The following MACF1 variants were observed in gnomAD, a reference collection of about 807,000 sequenced individuals.
The protein encoded by MACF1 is microtubule actin crosslinking factor 1.
A neutral mutation model predicts 854.8 loss-of-function variants in MACF1; 193 were observed. The ratio of observed to expected loss-of-function variants is 0.23; its 90% CI spans 0.20 to 0.25. The LOEUF is 0.25. Ranked by LOEUF, MACF1 falls within the 10% of genes least tolerant of loss-of-function variation. MACF1 has a pLI of 1.00. For synonymous variants in MACF1, 3,185 were observed against 3,226.7 expected (o/e 0.99, Z 0.44); for missense variants, 7,722 against 8,929.1 (o/e 0.86, Z 5.45).
At chr1:39,417,981 A>G (rs1436128025) in intron 58 of MACF1, among the ~76,000 whole-genome samples, 1 of 152,014 alleles carries the variant, frequency 6.6e-6, no homozygotes, top group African/African-American at 2.4e-5. Flanking sequence ...TGAGTGGAGG[A>G]GGCAGATATT....
chr1:39,269,278 G>T (rs1402103680), intron 6 of MACF1: 25 of 1,289,748 alleles, frequency 1.9e-5, no homozygotes, highest in Non-Finnish European at 2.5e-5. Flanking sequence ...AATATTCAGC[G>T]TGGGTTTCGG....
intron 20 of MACF1, among the ~76,000 whole-genome samples, chr1:39,296,798 A>AAGG (rs1645918700): frequency 8.1e-6 from 1 of 122,744 alleles, no homozygotes; most frequent in African/African-American, 4.0e-5. Context: ...GAAAGGAAGG[A>AAGG]AGGAAAAGAA....
In MACF1 at chr1:39,388,534, A is replaced by G; in HGVS notation, c.15692A>G (p.Glu5231Gly). The G allele has an allele frequency of 6.2e-7, 1 of 1,614,196 alleles. No individual in the cohort carries two copies. The highest frequency in any genetic ancestry group is 8.5e-7 in the Non-Finnish European group (1 of 1,180,036). The change falls in exon 58 of 101, where the codon GAG (glutamate) becomes GGG (glycine). Residue 5231 changes from glutamate (E) to glycine (G), a missense_variant. By Grantham distance (98) the Glu-to-Gly change is moderately conservative. Coordinates refer to ENST00000564288, the MANE Select transcript of MACF1 (RefSeq NM_001394062.1). The stretch of plus-strand genomic sequence containing the variant: ...CTGGAACTGACACTAGGCCGTGTAG[A>G]GGACTTCTACAGGAAATTGAAAGGA... ...EQLELTLGRV[E>G]DFYRKLKGLN... is the part of the protein sequence containing the mutation.
intron 28 of MACF1, 37 bp downstream of exon 28, chr1:39,316,566 C>T (rs1646414981): frequency 6.3e-7 from 1 of 1,588,248 alleles, no homozygotes; most frequent in Non-Finnish European, 8.6e-7. Flanking sequence ...GTTGACCTAA[C>T]ATATTCATTG....
intron 19 of MACF1, 30 bp downstream of exon 19, chr1:39,295,180 A>C (rs1382591131): frequency 6.5e-7 from 1 of 1,539,830 alleles, no homozygotes; most frequent in Non-Finnish European, 9.0e-7. Context: ...GTGAAGGTCA[A>C]ATGCTGAGAG....
chr1:39,447,702 A>G lies in MACF1; in HGVS notation c.19772A>G (p.Asn6591Ser), dbSNP rs773396574. 30 of 1,614,072 alleles carry G rather than the reference A, an allele frequency of 1.9e-5. No individual in the cohort carries two copies. The highest frequency in any genetic ancestry group is 1.4e-4 in the South Asian group (13 of 91,076). The change falls in exon 82 of 101, where the codon AAT becomes AGT. Residue 6591 changes from asparagine (N) to serine (S), a missense_variant. Physicochemically the swap from Asn to Ser is conservative, Grantham distance 46 (BLOSUM62 1). Transcript: ENST00000564288. Reference sequence around the variant, plus strand: ...CTATTGTTCCCTCAGGTTTTTGCTAATGAAGTAAATGCTCATCGAGACCAG... The same window carrying G: ...CTATTGTTCCCTCAGGTTTTTGCTAGTGAAGTAAATGCTCATCGAGACCAG... The part of the protein sequence containing the change: ...SQIEEHKVFA[N>S]EVNAHRDQII...
intron 2 of MACF1, among the ~76,000 whole-genome samples, chr1:39,107,417 G>A (rs561182299): frequency 2.6e-5 from 4 of 152,202 alleles, no homozygotes; most frequent in East Asian, 3.9e-4. Context: ...CCCAGACACA[G>A]GTCTCTTTCT....
intron 1 of MACF1, among the ~76,000 whole-genome samples, chr1:39,214,146 G>T (rs567978820): frequency 6.6e-6 from 1 of 152,130 alleles, no homozygotes; most frequent in African/African-American, 2.4e-5. Context: ...TGAAGAAGTC[G>T]TTCTATTTAG....
intron 2 of MACF1, among the ~76,000 whole-genome samples, chr1:39,197,194 G>C (rs1644330655): frequency 6.6e-6 from 1 of 151,740 alleles, no homozygotes; most frequent in Non-Finnish European, 1.5e-5. Flanking sequence ...GTTCCCCTCT[G>C]CTTCTTCCTT....
At chr1:39,472,458 A>G (rs577335484) in intron 97 of MACF1, among the ~76,000 whole-genome samples, 7 of 152,360 alleles carry the variant, frequency 4.6e-5, no homozygotes, top group African/African-American at 1.4e-4. Flanking sequence ...TTATCAAAGT[A>G]AAAGTATTAA....
chr1:39,477,222 TTTG>T (rs772940247), intron 97 of MACF1, among the ~76,000 whole-genome samples: 95 of 149,180 alleles, frequency 6.4e-4, no homozygotes, highest in Admixed American at 3.8e-3. Flanking sequence ...TTAAGCGACT[TTTG>T]TTGTTGTTTT....
intron 2 of MACF1, among the ~76,000 whole-genome samples, chr1:39,164,868 T>C (rs1287779271): frequency 6.6e-6 from 1 of 152,252 alleles, no homozygotes; most frequent in Non-Finnish European, 1.5e-5. Context: ...CTGGAAGAAC[T>C]AGAACTGGTG....
At chr1:39,138,575 ACT>A (rs910655555) in intron 2 of MACF1, among the ~76,000 whole-genome samples, 1 of 150,212 alleles carries the variant, frequency 6.7e-6, no homozygotes, top group African/African-American at 2.5e-5. Flanking sequence ...ACAGAGAGAG[ACT>A]CTGTCTCAAA....
At chr1:39,247,788 T>C (rs973050602) in intron 2 of MACF1, among the ~76,000 whole-genome samples, 1 of 152,186 alleles carries the variant, frequency 6.6e-6, no homozygotes, top group Non-Finnish European at 1.5e-5. Context: ...ATCCCAGCAC[T>C]TGGGGAGGCT....
chr1:39,133,432 G>C (rs1014405749), intron 2 of MACF1, among the ~76,000 whole-genome samples: 2 of 151,850 alleles, frequency 1.3e-5, no homozygotes, highest in African/African-American at 2.4e-5. Context: ...TTGAGGGCCT[G>C]GGGTTTAATT....
chr1:39,438,500 C>T (rs1377550947), intron 71 of MACF1, among the ~76,000 whole-genome samples: 2 of 152,180 alleles, frequency 1.3e-5, no homozygotes, highest in African/African-American at 2.4e-5. Flanking sequence ...AATAATAGGC[C>T]GGAGCCACCC....
chr1:39,471,032 C>CT (rs1197581133), intron 97 of MACF1, among the ~76,000 whole-genome samples: 1 of 152,064 alleles, frequency 6.6e-6, no homozygotes, highest in African/African-American at 2.4e-5. Flanking sequence ...AGCTAGTAAC[C>CT]TTTTTTAGCA....
intron 1 of MACF1, among the ~76,000 whole-genome samples, chr1:39,229,723 G>A (rs764486763): frequency 6.6e-5 from 10 of 152,130 alleles, no homozygotes; most frequent in Non-Finnish European, 1.3e-4. Flanking sequence ...AGCATGGACT[G>A]GGATAATCTT....
chr1:39,473,623 G>A (rs1775647), intron 97 of MACF1, among the ~76,000 whole-genome samples: 5,727 of 152,176 alleles, frequency 0.038, 309 homozygotes, highest in African/African-American at 0.12. Context: ...CTTCATCCCC[G>A]TGAAATAATG....
Sources: gnomAD v4.1 joint callset for allele counts (sites outside exome capture counted in the v4.1 genomes callset) on GRCh38, gnomAD v4.1.1 for gene constraint, MANE v1.5 for transcripts, NCBI Gene and HGNC (gene_info 2026-07-23, HGNC 2026-07-21) for gene names.